The following AFAP1L1 variants were observed in gnomAD, a reference collection of about 807,000 sequenced individuals.
The protein encoded by AFAP1L1 is actin filament associated protein 1 like 1.
In AFAP1L1, 77 loss-of-function variants were observed where a neutral mutation model predicts 99.8. The observed-to-expected ratio is 0.77, with a 90% CI of 0.64 to 0.93. The LOEUF (loss-of-function observed/expected upper bound fraction) is 0.93. Among genes scored for constraint, AFAP1L1 ranks in the 40% least tolerant of loss-of-function variants. The probability of loss-of-function intolerance (pLI) is 0.00; values close to 1 mark genes in which losing one functional copy is unlikely to be tolerated. For synonymous variants in AFAP1L1, 373 were observed against 395.3 expected (o/e 0.94, Z 0.67); for missense variants, 893 against 996.8 (o/e 0.90, Z 1.40).
intron 14 of AFAP1L1, among the ~76,000 whole-genome samples, chr5:149,321,083 G>A (rs1303117283): frequency 3.3e-5 from 5 of 152,224 alleles, no homozygotes; most frequent in African/African-American, 7.2e-5. Flanking sequence ...TAGCAGGAGA[G>A]AGAGGCAATT....
Position 149,329,838 on chromosome 5 carries a change from T to C in AFAP1L1, c.1975+8T>C, listed in dbSNP as rs1294111138. On this transcript the variant is annotated splice_region_variant and intron_variant, in intron 16 of 18. Coordinates refer to ENST00000296721, the MANE Select transcript of AFAP1L1 (RefSeq NM_152406.4). ...CCATTCGGAGCAGCCCAGGTACCTATGTGGGTGTGGTCCTGAGCACCTATG... is the reference window on the plus strand; with the variant it reads ...CCATTCGGAGCAGCCCAGGTACCTACGTGGGTGTGGTCCTGAGCACCTATG... The C allele has an allele frequency of 2.5e-6, 4 of 1,602,504 alleles. No individual in the cohort carries two copies. The highest frequency in any genetic ancestry group is 3.4e-6 in the Non-Finnish European group (4 of 1,174,600).
At chr5:149,315,672 T>G in intron 9 of AFAP1L1, 149 bp from the exon 10 acceptor site, 2 of 664,126 alleles carry the variant, frequency 3.0e-6, no homozygotes, top group South Asian at 1.7e-5. Context: ...ATACCTGGTA[T>G]GGTATGAGGC....
intron 1 of AFAP1L1, among the ~76,000 whole-genome samples, chr5:149,281,930 A>G (rs997702690): frequency 1.3e-5 from 2 of 152,124 alleles, no homozygotes; most frequent in African/African-American, 4.8e-5. Flanking sequence ...AGCCTGCATG[A>G]GGTTTTATTT....
chr5:149,272,045 G>T, intron 1 of AFAP1L1, 61 bp downstream of exon 1: 5 of 1,219,644 alleles, frequency 4.1e-6, no homozygotes, highest in South Asian at 4.1e-5. Flanking sequence ...GAGACTGGAC[G>T]ATCTGAAGCC....
chr5:149,327,854 G>C (rs972359853), intron 15 of AFAP1L1, among the ~76,000 whole-genome samples: 1 of 152,016 alleles, frequency 6.6e-6, no homozygotes, highest in Admixed American at 6.5e-5. Flanking sequence ...AAGAGAGAGA[G>C]AGACAGACAG....
chr5:149,332,198 A>G (rs964281077), intron 16 of AFAP1L1, among the ~76,000 whole-genome samples: 5 of 152,214 alleles, frequency 3.3e-5, no homozygotes, highest in African/African-American at 1.2e-4. Flanking sequence ...GCAGTTTGAG[A>G]CTAGCCTGGC....
intron 8 of AFAP1L1, 114 bp downstream of exon 8, chr5:149,310,249 C>A (rs1756584545): frequency 2.3e-6 from 3 of 1,320,318 alleles, no homozygotes; most frequent in South Asian, 1.6e-5. Context: ...AGTGCCTGAG[C>A]CCAAGTGCCC....
intron 9 of AFAP1L1, among the ~76,000 whole-genome samples, chr5:149,312,989 T>C (rs565219908): frequency 5.3e-5 from 8 of 151,942 alleles, no homozygotes; most frequent in African/African-American, 1.9e-4. Flanking sequence ...TAGCCAGGCA[T>C]GGTGGCACAT....
At chr5:149,315,658 T>C in intron 9 of AFAP1L1, 163 bp from the exon 10 acceptor site, 3 of 636,642 alleles carry the variant, frequency 4.7e-6, no homozygotes, top group South Asian at 3.6e-5. Flanking sequence ...TGGTTGTCTT[T>C]TCAATACCTG....
At chr5:149,309,761 A>G (rs1016434075) in intron 7 of AFAP1L1, among the ~76,000 whole-genome samples, 195 bp from the exon 8 acceptor site, 30 of 152,236 alleles carry the variant, frequency 2.0e-4, no homozygotes, top group African/African-American at 7.2e-4. Flanking sequence ...TTGCCCAAAG[A>G]TGCCTCCTCC....
intron 14 of AFAP1L1, among the ~76,000 whole-genome samples, chr5:149,321,390 T>G (rs1421322909): frequency 6.6e-6 from 1 of 152,192 alleles, no homozygotes; most frequent in Non-Finnish European, 1.5e-5. Flanking sequence ...AAAACCTACC[T>G]TCTTGGATAA....
At chr5:149,272,571 A>C (rs1350811105) in intron 1 of AFAP1L1, among the ~76,000 whole-genome samples, 1 of 152,242 alleles carries the variant, frequency 6.6e-6, no homozygotes, top group Non-Finnish European at 1.5e-5. Flanking sequence ...GATGGTCTCC[A>C]AGGCACCTTG....
At chr5:149,335,517 T>C (rs1757381856) in intron 17 of AFAP1L1, 77 bp from the exon 18 acceptor site, 6 of 1,506,042 alleles carry the variant, frequency 4.0e-6, no homozygotes, top group Admixed American at 2.1e-5. Flanking sequence ...AGTGTCCTCA[T>C]GCTTTTGAGG....
chr5:149,314,738 C>T (rs556423145), intron 9 of AFAP1L1, among the ~76,000 whole-genome samples: 2 of 152,302 alleles, frequency 1.3e-5, no homozygotes, highest in African/African-American at 4.8e-5. Flanking sequence ...TCTCCGTCCC[C>T]CGGTGCTATG....
At chr5:149,295,535 A>G (rs1458835267) in intron 1 of AFAP1L1, among the ~76,000 whole-genome samples, 1 of 129,330 alleles carries the variant, frequency 7.7e-6, no homozygotes, top group Non-Finnish European at 1.7e-5. Context: ...GAAAGACAGA[A>G]GGAAAGAAAG....
chr5:149,293,613 G>A (rs1340806391), intron 1 of AFAP1L1, among the ~76,000 whole-genome samples: 1 of 152,118 alleles, frequency 6.6e-6, no homozygotes, highest in Non-Finnish European at 1.5e-5. Flanking sequence ...CTGTCCTCCT[G>A]GAGCCTATTA....
chr5:149,322,554 T>C, intron 14 of AFAP1L1, 52 bp from the exon 15 acceptor site: 1 of 1,362,224 alleles, frequency 7.3e-7, no homozygotes, highest in Non-Finnish European at 1.0e-6. Flanking sequence ...CACCCTGCAT[T>C]GATGAGTCTG....
At position 149,315,886 on chromosome 5, in the gene AFAP1L1, C is replaced by G; in HGVS notation, c.1086C>G (p.Thr362=). The G allele has an allele frequency of 6.2e-7, 1 of 1,614,120 alleles. No homozygotes were observed. The highest frequency in any genetic ancestry group is 8.5e-7 in the Non-Finnish European group (1 of 1,180,012). The change falls in exon 10 of 19, where the codon ACC becomes ACG. Residue 362 remains threonine, a synonymous_variant. Coordinates refer to ENST00000296721, the MANE Select transcript of AFAP1L1 (RefSeq NM_152406.4). ...DSVGVGDNCS[T]LGRRETCDHG... is the part of the protein sequence containing the mutation. ...TGGGTGTGGGTGACAACTGTTCTAC[C>G]CTTGGCCGCCGGGAGACCTGTGATC...
rs1174678557 is a variant in AFAP1L1, at chr5:149,320,614, C to T, written c.1698+151C>T. Reference sequence around the variant, plus strand: ...AGCCCCTTCTTATCATAGAGCATGGCTCAGGATGAGGAATCCCTGGCACAG... The same window carrying T: ...AGCCCCTTCTTATCATAGAGCATGGTTCAGGATGAGGAATCCCTGGCACAG... On this transcript the variant is annotated intron_variant, in intron 14 of 18. Coordinates refer to ENST00000296721, the MANE Select transcript of AFAP1L1 (RefSeq NM_152406.4). The surrounding 1 kb of genome is among the most constrained non-coding windows in gnomAD (Gnocchi z 4.0). The T allele has an allele frequency of 2.7e-6, 2 of 733,306 alleles. No individual in the cohort carries two copies. Among genetic ancestry groups the T allele is most frequent in the African/African-American group, 3.5e-5 (2 of 56,458 alleles). The allele number at this position is 733,306 out of a possible 1,614,324, so 45.4% of individuals were successfully genotyped here. A position where few individuals can be genotyped will look rare whatever the true frequency, so the allele number is the denominator to read the frequency against.
Sources: gnomAD v4.1 joint callset for allele counts (sites outside exome capture counted in the v4.1 genomes callset) on GRCh38, gnomAD v4.1.1 for gene constraint, Gnocchi (gnomAD v3.1) non-coding constraint, MANE v1.5 for transcripts, NCBI Gene and HGNC (gene_info 2026-07-23, HGNC 2026-07-21) for gene names.